ADAM12: variants seen among roughly 807,000 people sequenced by gnomAD.
The protein encoded by ADAM12 is ADAM metallopeptidase domain 12, also known as disintegrin and metalloproteinase domain-containing protein 12.
A neutral mutation model predicts 106.4 loss-of-function variants in ADAM12; 70 were observed. That is an observed-to-expected ratio of 0.66 (90% CI 0.54 to 0.80). The LOEUF (loss-of-function observed/expected upper bound fraction) is 0.80, where lower values mean the gene tolerates loss of function less well. Ranked by LOEUF, ADAM12 falls within the 30% of genes least tolerant of loss-of-function variation. The pLI, the probability that ADAM12 is intolerant of heterozygous loss-of-function variation, is 0.00. For missense variants in ADAM12, 1,010 were observed against 1,171.9 expected (o/e 0.86, Z 2.02); for synonymous variants, 420 against 433.5 (o/e 0.97, Z 0.39).
intron 3 of ADAM12, among the ~76,000 whole-genome samples, chr10:126,264,511 T>A (rs1166801042): frequency 6.6e-6 from 1 of 152,204 alleles, no homozygotes; most frequent in Admixed American, 6.5e-5. Context: ...TTATGTTGAA[T>A]CTACCTCATC....
chr10:126,265,126 C>A (rs1281419866), intron 3 of ADAM12, among the ~76,000 whole-genome samples: 1 of 152,136 alleles, frequency 6.6e-6, no homozygotes. Flanking sequence ...GAACCTTTTA[C>A]AAATGTGGAC....
chr10:126,279,874 A>G (rs1014542770), intron 2 of ADAM12, among the ~76,000 whole-genome samples: 1 of 152,234 alleles, frequency 6.6e-6, no homozygotes, highest in Non-Finnish European at 1.5e-5. Flanking sequence ...TTGCTGAGAC[A>G]TGATCACCAC....
chr10:126,268,134 G>C (rs2366473), intron 3 of ADAM12, among the ~76,000 whole-genome samples: 18,778 of 151,990 alleles, frequency 0.12, 1,311 homozygotes, highest in Admixed American at 0.2. Context: ...AACCCTCCAG[G>C]CCCCGGTAAC....
intron 3 of ADAM12, among the ~76,000 whole-genome samples, chr10:126,170,472 A>C (rs1052997776): frequency 6.6e-6 from 1 of 150,922 alleles, no homozygotes; most frequent in African/African-American, 2.4e-5. Context: ...GTGTGAACCC[A>C]GGTGTACAGA....
intron 2 of ADAM12, among the ~76,000 whole-genome samples, chr10:126,300,546 T>C (rs11597113): frequency 0.21 from 31,582 of 152,174 alleles, 3,800 homozygotes; most frequent in South Asian, 0.34. Context: ...CATGGGTGTA[T>C]AGATAATTTA....
In ADAM12 at chr10:126,330,517, A is replaced by C. The variant is rs1396881455; in HGVS notation, c.89-8T>G. 2 of 1,611,738 alleles carry C rather than the reference A, an allele frequency of 1.2e-6. No individual in the cohort carries two copies. Among genetic ancestry groups the C allele is most frequent in the African/African-American group, 2.7e-5 (2 of 74,774 alleles). On this transcript the variant is annotated splice_region_variant and splice_polypyrimidine_tract_variant and intron_variant, in intron 1 of 22. Coordinates refer to ENST00000448723, the MANE Select transcript of ADAM12 (RefSeq NM_001288973.2). ...GGTTCCATAAGCTCACCCCTGAATCAAAAGGAAAACAGCCCTATATTTCAC... is the reference window on the plus strand; with the variant it reads ...GGTTCCATAAGCTCACCCCTGAATCCAAAGGAAAACAGCCCTATATTTCAC...
chr10:126,090,217 T>C (rs1018904428), intron 11 of ADAM12, among the ~76,000 whole-genome samples: 2 of 150,388 alleles, frequency 1.3e-5, no homozygotes, highest in Non-Finnish European at 2.9e-5. Context: ...TGTGTAACAG[T>C]GGCAGGGGCT....
At chr10:126,378,905 AG>A (rs1488409323) in intron 1 of ADAM12, among the ~76,000 whole-genome samples, 2 of 152,206 alleles carry the variant, frequency 1.3e-5, no homozygotes, top group Admixed American at 1.3e-4. Context: ...TAATGATTTT[AG>A]CTTAAAAGTT....
intron 3 of ADAM12, among the ~76,000 whole-genome samples, chr10:126,157,033 G>GCA (rs1565101347): frequency 6.6e-6 from 1 of 151,672 alleles, no homozygotes; most frequent in Non-Finnish European, 1.5e-5. Flanking sequence ...GTGTGTGTGT[G>GCA]GGGGGGTGCT....
At chr10:126,166,189 T>C (rs929608850) in intron 3 of ADAM12, among the ~76,000 whole-genome samples, 2 of 152,204 alleles carry the variant, frequency 1.3e-5, no homozygotes, top group Non-Finnish European at 1.5e-5. Context: ...CACTGAGACA[T>C]GCTGTTATGA....
At chr10:126,115,445 C>A (rs138259360) in intron 6 of ADAM12, among the ~76,000 whole-genome samples, 23 of 152,260 alleles carry the variant, frequency 1.5e-4, no homozygotes, top group African/African-American at 2.6e-4. Flanking sequence ...ACAGAGAGAA[C>A]GAGCTGACTG....
chr10:126,314,280 T>TA (rs1961249724), intron 2 of ADAM12, among the ~76,000 whole-genome samples: 1 of 152,022 alleles, frequency 6.6e-6, no homozygotes, highest in East Asian at 1.9e-4. Flanking sequence ...GCTCGATTGT[T>TA]AGAGAGGAGA....
chr10:126,330,660 A>C (rs147675828), intron 1 of ADAM12, 151 bp from the exon 2 acceptor site: 22 of 623,826 alleles, frequency 3.5e-5, no homozygotes, highest in African/African-American at 2.6e-4. Flanking sequence ...AAAAGTGTTA[A>C]AACTGCTGAA....
intron 1 of ADAM12, among the ~76,000 whole-genome samples, chr10:126,373,665 T>G (rs1334424935): frequency 2.6e-5 from 4 of 152,216 alleles, no homozygotes; most frequent in Non-Finnish European, 5.9e-5. Context: ...AAAGAATCAT[T>G]ATCAGAGATG....
chr10:126,194,198 G>T (rs1565129297), intron 3 of ADAM12, among the ~76,000 whole-genome samples: 1 of 149,736 alleles, frequency 6.7e-6, no homozygotes, highest in South Asian at 2.1e-4. Flanking sequence ...CTTTGGAGTG[G>T]CTCAGTTTCA....
chr10:126,177,928 T>C (rs1295042922), intron 3 of ADAM12, among the ~76,000 whole-genome samples: 1 of 152,244 alleles, frequency 6.6e-6, no homozygotes, highest in Non-Finnish European at 1.5e-5. Flanking sequence ...CTGGCATCTT[T>C]GTTCAGCTTC....
chr10:126,215,220 A>T (rs12254382), intron 3 of ADAM12, among the ~76,000 whole-genome samples: 40,966 of 152,102 alleles, frequency 0.27, 6,116 homozygotes, highest in African/African-American at 0.4. Context: ...TACGGCCTGG[A>T]TGGCCTTTCC....
intron 3 of ADAM12, among the ~76,000 whole-genome samples, chr10:126,260,342 T>C (rs115804282): frequency 0.013 from 1,907 of 152,322 alleles, 44 homozygotes; most frequent in African/African-American, 0.043. Context: ...AAGTGGTCGA[T>C]GTTTACAACA....
chr10:126,363,339 T>C (rs533181203), intron 1 of ADAM12, among the ~76,000 whole-genome samples: 12 of 152,310 alleles, frequency 7.9e-5, no homozygotes, highest in African/African-American at 2.6e-4. Context: ...AAAGCCCCAA[T>C]GTGACAGATT....
Sources: gnomAD v4.1 joint callset for allele counts (sites outside exome capture counted in the v4.1 genomes callset) on GRCh38, gnomAD v4.1.1 for gene constraint, MANE v1.5 for transcripts, NCBI Gene and HGNC (gene_info 2026-07-23, HGNC 2026-07-21) for gene names.